Variants in SORCS2 observed in about 807,000 individuals in gnomAD.
The protein encoded by SORCS2 is VPS10 domain-containing receptor SorCS2.
SORCS2 carries 100 observed loss-of-function variants against 141.6 expected under a neutral mutation model. That is an observed-to-expected ratio of 0.71 (90% confidence interval 0.60 to 0.83). The LOEUF (loss-of-function observed/expected upper bound fraction) is 0.83, where lower values mean the gene tolerates loss of function less well. SORCS2 is among the 40% of genes least tolerant of loss of function. The pLI, the probability that SORCS2 is intolerant of heterozygous loss-of-function variation, is 0.00. For synonymous variants in SORCS2, 789 were observed against 676.9 expected, an observed-to-expected ratio of 1.17 and a Z score of -2.57; for missense variants, 1,646 against 1,560.2, an observed-to-expected ratio of 1.05 and a Z score of -0.93.
chr4:7,629,662 C>A (rs73218630), intron 3 of SORCS2, among the ~76,000 whole-genome samples: 1 of 151,536 alleles, frequency 6.6e-6, no homozygotes, highest in Non-Finnish European at 1.5e-5. Context: ...ATGAGCTGTT[C>A]CTTTCCGGCA....
chr4:7,193,226 C>A lies in SORCS2; in HGVS notation c.480+100C>A, dbSNP rs1726957862. The A allele has an allele frequency of 7.8e-7, 1 of 1,284,260 alleles. No individual in the cohort carries two copies. Among genetic ancestry groups the A allele is most frequent in the Non-Finnish European group, 9.9e-7 (1 of 1,013,288 alleles). 79.6% of individuals were successfully genotyped at this position (1,284,260 alleles called of 1,614,324 possible). On this transcript the variant is annotated intron_variant, in intron 1 of 26. Coordinates refer to ENST00000507866, the MANE Select transcript of SORCS2 (RefSeq NM_020777.3). This position sits in a 1 kb window ranked among gnomAD's most constrained non-coding sequence, Gnocchi z 4.8. ...CCCCACCCCAGATCCCCACTATGGT[C>A]ATCAGGGGCGGGTTCTTGGCGACTT... is the stretch of plus-strand genomic sequence containing the variant.
At chr4:7,320,600 G>A (rs1258345684) in intron 1 of SORCS2, among the ~76,000 whole-genome samples, 1 of 152,232 alleles carries the variant, frequency 6.6e-6, no homozygotes, top group Admixed American at 6.5e-5. Flanking sequence ...CACAAACACA[G>A]CCACACGTCT....
At chr4:7,695,676 ATGGATGGATGGGTGGATTGG>A (rs1560490420) in intron 11 of SORCS2, among the ~76,000 whole-genome samples, 3 of 31,168 alleles carry the variant, frequency 9.6e-5, no homozygotes, top group Non-Finnish European at 1.4e-4. Context: ...GGATGGATGG[ATGGATGGATGGGTGGATTGG>A]TGGGTGGGTG....
intron 3 of SORCS2, among the ~76,000 whole-genome samples, chr4:7,606,611 C>T (rs1041326492): frequency 5.3e-5 from 8 of 152,004 alleles, no homozygotes; most frequent in African/African-American, 1.7e-4. Context: ...CCTTGAGGGC[C>T]GCCTCTGTGG....
chr4:7,405,524 A>C (rs771603507), intron 2 of SORCS2, among the ~76,000 whole-genome samples: 2 of 152,030 alleles, frequency 1.3e-5, no homozygotes, highest in Non-Finnish European at 2.9e-5. Context: ...ACAATTTCTA[A>C]GGAGGCGTTT....
chr4:7,646,471 T>G (rs1408317559), intron 4 of SORCS2, among the ~76,000 whole-genome samples: 2 of 152,072 alleles, frequency 1.3e-5, no homozygotes, highest in Non-Finnish European at 2.9e-5. Flanking sequence ...GGTGTCCTTA[T>G]AAGAAGAGGA....
At chr4:7,232,936 C>T (rs1712004570) in intron 1 of SORCS2, among the ~76,000 whole-genome samples, 1 of 152,202 alleles carries the variant, frequency 6.6e-6, no homozygotes, top group African/African-American at 2.4e-5. Flanking sequence ...CCCATAGAGA[C>T]ACTGCTGCAC....
intron 2 of SORCS2, among the ~76,000 whole-genome samples, chr4:7,423,297 C>G (rs1457180152): frequency 6.6e-6 from 1 of 152,150 alleles, no homozygotes; most frequent in Non-Finnish European, 1.5e-5. Context: ...ATTTCTTTAT[C>G]TGTGGCCTGT....
At chr4:7,737,807 G>C (rs1291270785) in intron 26 of SORCS2, among the ~76,000 whole-genome samples, 2 of 152,204 alleles carry the variant, frequency 1.3e-5, no homozygotes, top group Non-Finnish European at 2.9e-5. Context: ...GCTGCTCGCT[G>C]TCAGGGTCTC....
chr4:7,221,929 T>A (rs529318523), intron 1 of SORCS2, among the ~76,000 whole-genome samples: 28 of 152,346 alleles, frequency 1.8e-4, no homozygotes, highest in Admixed American at 7.2e-4. Context: ...GAGCTTATAT[T>A]TTTTAGCATG....
chr4:7,194,682 A>G (rs1727065432), intron 1 of SORCS2, among the ~76,000 whole-genome samples: 2 of 152,008 alleles, frequency 1.3e-5, no homozygotes, highest in South Asian at 4.2e-4. Context: ...GCCCTAGAAG[A>G]GTTCTCTCCA....
At chr4:7,458,039 G>C (rs1264722208) in intron 2 of SORCS2, among the ~76,000 whole-genome samples, 1 of 152,230 alleles carries the variant, frequency 6.6e-6, no homozygotes, top group East Asian at 1.9e-4. Flanking sequence ...AAACAAAACT[G>C]CCCATTGACC....
intron 4 of SORCS2, among the ~76,000 whole-genome samples, chr4:7,647,996 G>A (rs559519190): frequency 1.4e-4 from 22 of 152,340 alleles, no homozygotes; most frequent in Admixed American, 9.1e-4. Context: ...TGAAGTTTCC[G>A]AGATGGGAGA....
intron 1 of SORCS2, among the ~76,000 whole-genome samples, chr4:7,375,431 G>C (rs1722576348): frequency 6.6e-6 from 1 of 152,222 alleles, no homozygotes; most frequent in Admixed American, 6.5e-5. Flanking sequence ...GGGCCTTGCA[G>C]CGTTGCGGGG....
chr4:7,369,398 G>A (rs1302194918), intron 1 of SORCS2, among the ~76,000 whole-genome samples: 2 of 152,186 alleles, frequency 1.3e-5, no homozygotes, highest in Admixed American at 6.5e-5. Flanking sequence ...GCATGAAAAT[G>A]GATGAATACA....
At chr4:7,467,528 C>A (rs1560308986) in intron 2 of SORCS2, among the ~76,000 whole-genome samples, 1 of 152,238 alleles carries the variant, frequency 6.6e-6, no homozygotes, top group East Asian at 1.9e-4. Flanking sequence ...GGCAGCTGGG[C>A]TGGAGCCACC....
intron 3 of SORCS2, among the ~76,000 whole-genome samples, chr4:7,561,172 G>A (rs999941567): frequency 1.3e-5 from 2 of 152,138 alleles, no homozygotes; most frequent in African/African-American, 4.8e-5. Context: ...GGCCCAAATG[G>A]GGGCTTCGTG....
At chr4:7,345,619 C>T (rs1363599337) in intron 1 of SORCS2, among the ~76,000 whole-genome samples, 4 of 152,202 alleles carry the variant, frequency 2.6e-5, no homozygotes, top group African/African-American at 9.7e-5. Context: ...CTCCAAACCT[C>T]CGTTTCCCAT....
intron 1 of SORCS2, among the ~76,000 whole-genome samples, chr4:7,292,586 T>C (rs1716686175): frequency 6.6e-6 from 1 of 152,244 alleles, no homozygotes; most frequent in Admixed American, 6.5e-5. Context: ...TTATTTGCTC[T>C]TTTAACATTG....
Sources: allele counts gnomAD v4.1 joint callset (sites outside exome capture counted in the v4.1 genomes callset), GRCh38; gene constraint gnomAD v4.1.1; non-coding constraint Gnocchi (gnomAD v3.1); transcripts MANE v1.5; gene names NCBI Gene and HGNC (gene_info 2026-07-23, HGNC 2026-07-21).